Variants in GPC5 observed in about 807,000 individuals in gnomAD.
The protein encoded by GPC5 is glypican-5.
A neutral mutation model predicts 53.9 loss-of-function variants in GPC5; 47 were observed. That is an observed-to-expected ratio of 0.87 (90% confidence interval 0.69 to 1.11). GPC5 has a LOEUF of 1.11. GPC5 is among the 50% of genes most tolerant of loss of function. The pLI, the probability that GPC5 is intolerant of heterozygous loss-of-function variation, is 0.00. For missense variants in GPC5, 748 were observed against 713.1 expected (o/e 1.05, Z -0.56); for synonymous variants, 286 against 263.3 (o/e 1.09, Z -0.84).
chr13:91,671,805 A>AAAG (rs2035254272), intron 2 of GPC5, among the ~76,000 whole-genome samples: 2 of 141,290 alleles, frequency 1.4e-5, no homozygotes, highest in African/African-American at 5.6e-5. Flanking sequence ...AAAAAAAAAA[A>AAAG]CGAAACTGGA....
At chr13:91,449,275 A>G (rs1881021251) in intron 2 of GPC5, among the ~76,000 whole-genome samples, 1 of 152,164 alleles carries the variant, frequency 6.6e-6, no homozygotes, top group Non-Finnish European at 1.5e-5. Context: ...CTATAACATA[A>G]AATCTCATTG....
intron 6 of GPC5, among the ~76,000 whole-genome samples, chr13:91,984,998 G>T (rs1367817132): frequency 6.6e-6 from 1 of 152,152 alleles, no homozygotes; most frequent in Non-Finnish European, 1.5e-5. Context: ...TTGGCAAATT[G>T]TACATTCTGT....
chr13:92,031,835 A>T (rs1268173860), intron 6 of GPC5, among the ~76,000 whole-genome samples: 4 of 82,040 alleles, frequency 4.9e-5, no homozygotes, highest in Non-Finnish European at 9.0e-5. Context: ...TATAATATAT[A>T]ATATATTACA....
intron 6 of GPC5, among the ~76,000 whole-genome samples, chr13:92,103,979 T>G (rs1222263571): frequency 6.6e-6 from 1 of 152,138 alleles, no homozygotes; most frequent in African/African-American, 2.4e-5. Context: ...GCCCTGACCA[T>G]TATTACCACT....
At chr13:92,482,834 G>A (rs1879409424) in intron 7 of GPC5, among the ~76,000 whole-genome samples, 1 of 152,108 alleles carries the variant, frequency 6.6e-6, no homozygotes, top group South Asian at 2.1e-4. Flanking sequence ...GTTATGCCAT[G>A]CTTAATGATG....
At chr13:92,731,220 TAAG>T (rs1294302114) in intron 7 of GPC5, among the ~76,000 whole-genome samples, 2 of 151,574 alleles carry the variant, frequency 1.3e-5, no homozygotes, top group South Asian at 2.1e-4. Context: ...AGATGGAATG[TAAG>T]AAGAAGAAAA....
chr13:92,078,028 T>C (rs2041266543), intron 6 of GPC5, among the ~76,000 whole-genome samples: 1 of 152,136 alleles, frequency 6.6e-6, no homozygotes. Context: ...GGTAGCTACA[T>C]AGATACATAG....
intron 7 of GPC5, among the ~76,000 whole-genome samples, chr13:92,479,888 T>TA (rs1228195271): frequency 1.3e-5 from 2 of 152,208 alleles, no homozygotes; most frequent in Non-Finnish European, 2.9e-5. Flanking sequence ...ACTTGCGATG[T>TA]AAAATGCGTT....
intron 7 of GPC5, among the ~76,000 whole-genome samples, chr13:92,656,982 A>G (rs1886158705): frequency 1.3e-5 from 2 of 152,218 alleles, no homozygotes; most frequent in South Asian, 4.1e-4. Context: ...AAAAAAGGCA[A>G]AAGTTTTTTT....
chr13:91,897,247 T>G lies in GPC5; in HGVS notation c.1281-10690T>G, dbSNP rs184545428. 1.6e-4 allele frequency among the ~76,000 whole-genome samples: 24 copies of G among 152,182 alleles called. No individual in the cohort carries two copies. The East Asian group carries it at 4.4e-3, about 28-fold the overall frequency. On this transcript the variant is annotated intron_variant, in intron 5 of 7. Transcript: ENST00000377067. ...TTGTTTTCATTAAGAAAAAGTTATT[T>G]ACAAATCTTTTCAAACTTCATATTT... is the stretch of plus-strand genomic sequence containing the variant.
At chr13:91,855,506 A>G (rs1421842880) in intron 5 of GPC5, among the ~76,000 whole-genome samples, 1 of 151,638 alleles carries the variant, frequency 6.6e-6, no homozygotes, top group African/African-American at 2.4e-5. Context: ...TCCTACTGTG[A>G]AAAAAATAGT....
At chr13:92,003,617 ATT>A (rs1265381959) in intron 6 of GPC5, among the ~76,000 whole-genome samples, 1 of 152,214 alleles carries the variant, frequency 6.6e-6, no homozygotes, top group Non-Finnish European at 1.5e-5. Context: ...ACATTTACAA[ATT>A]TGTTTTAATC....
intron 7 of GPC5, among the ~76,000 whole-genome samples, chr13:92,148,713 C>T (rs2041886139): frequency 6.6e-6 from 1 of 152,154 alleles, no homozygotes; most frequent in African/African-American, 2.4e-5. Flanking sequence ...TTGCCTGACA[C>T]CTGCCATTCT....
At chr13:92,495,956 A>AT (rs1489998990) in intron 7 of GPC5, among the ~76,000 whole-genome samples, 3 of 151,676 alleles carry the variant, frequency 2.0e-5, no homozygotes, top group African/African-American at 4.8e-5. Flanking sequence ...CTTTTCAACA[A>AT]TTTTTTTTAA....
intron 4 of GPC5, among the ~76,000 whole-genome samples, chr13:91,746,307 G>C (rs73609119): frequency 0.021 from 3,140 of 152,082 alleles, 101 homozygotes; most frequent in African/African-American, 0.071. Context: ...TTTAATTTGG[G>C]TTCTGTATTA....
intron 3 of GPC5, among the ~76,000 whole-genome samples, chr13:91,701,430 T>C (rs1413427886): frequency 6.6e-6 from 1 of 152,160 alleles, no homozygotes; most frequent in African/African-American, 2.4e-5. Context: ...AAAATGAGAT[T>C]CATACAACAT....
intron 5 of GPC5, among the ~76,000 whole-genome samples, chr13:91,792,041 C>T (rs556213955): frequency 2.6e-4 from 39 of 152,290 alleles, no homozygotes; most frequent in African/African-American, 9.4e-4. Context: ...CAGACAGTAT[C>T]TCAGAGAGTA....
chr13:91,932,626 C>T lies in GPC5; in HGVS notation c.1401+24569C>T, dbSNP rs1228997819. Among the ~76,000 whole-genome samples the T allele has an allele frequency of 2.6e-5, 4 of 152,098 alleles. No individual in the cohort carries two copies. The East Asian group carries it at 5.8e-4, about 22-fold the overall frequency. ...TGGGCTTAACATTTTAAAGTCTGTT[C>T]TGGGTCTTCCATATTCATTATTCTC... On this transcript the variant is annotated intron_variant, in intron 6 of 7. Transcript: ENST00000377067.
At chr13:91,740,091 G>T (rs193079063) in intron 4 of GPC5, among the ~76,000 whole-genome samples, 1 of 152,036 alleles carries the variant, frequency 6.6e-6, no homozygotes, top group African/African-American at 2.4e-5. Context: ...AGCTTCTTCC[G>T]CCACACCTGC....
Sources: gnomAD v4.1 joint callset for allele counts (sites outside exome capture counted in the v4.1 genomes callset) on GRCh38, gnomAD v4.1.1 for gene constraint, MANE v1.5 for transcripts, NCBI Gene and HGNC (gene_info 2026-07-23, HGNC 2026-07-21) for gene names.